MAGI2: variants seen among roughly 807,000 people sequenced by gnomAD.
The protein encoded by MAGI2 is membrane-associated guanylate kinase, WW and PDZ domain-containing protein 2.
A neutral mutation model predicts 133.3 loss-of-function variants in MAGI2; 35 were observed. The observed-to-expected ratio is 0.26, with a 90% CI of 0.20 to 0.35. The LOEUF (loss-of-function observed/expected upper bound fraction) is 0.35, where lower values mean the gene tolerates loss of function less well. Among genes scored for constraint, MAGI2 ranks in the 10% least tolerant of loss-of-function variants. MAGI2 has a pLI of 1.00. For missense variants in MAGI2, 1,636 were observed against 1,863.4 expected, an observed-to-expected ratio of 0.88 and a Z score of 2.25; for synonymous variants, 729 against 710.6, an observed-to-expected ratio of 1.03 and a Z score of -0.41.
chr7:79,447,225 T>A (rs1848916991), intron 1 of MAGI2, among the ~76,000 whole-genome samples: 1 of 149,812 alleles, frequency 6.7e-6, no homozygotes, highest in African/African-American at 2.4e-5. Context: ...TTGTACTATG[T>A]ATGTCCCTAT....
intron 1 of MAGI2, among the ~76,000 whole-genome samples, chr7:79,342,833 C>A: frequency 6.6e-6 from 1 of 152,086 alleles, no homozygotes; most frequent in South Asian, 2.1e-4. Context: ...AATCTTGGCT[C>A]ACTACAACCT....
chr7:78,713,549 A>C (rs56714990), intron 2 of MAGI2, among the ~76,000 whole-genome samples: 10,620 of 152,178 alleles, frequency 0.07, 651 homozygotes, highest in East Asian at 0.2. Context: ...ATCTCTATAC[A>C]TCAAAGGTAT....
intron 1 of MAGI2, among the ~76,000 whole-genome samples, chr7:79,145,668 A>G (rs1822551126): frequency 6.6e-6 from 1 of 152,224 alleles, no homozygotes; most frequent in African/African-American, 2.4e-5. Context: ...TTAAAAGCCT[A>G]CAGAGCATCT....
At chr7:78,213,214 T>G (rs1787942141) in intron 10 of MAGI2, among the ~76,000 whole-genome samples, 1 of 152,236 alleles carries the variant, frequency 6.6e-6, no homozygotes, top group African/African-American at 2.4e-5. Context: ...ACTCAAGATG[T>G]GGTTTGAGAC....
At chr7:79,436,980 T>C (rs1848186996) in intron 1 of MAGI2, among the ~76,000 whole-genome samples, 1 of 152,106 alleles carries the variant, frequency 6.6e-6, no homozygotes, top group Non-Finnish European at 1.5e-5. Context: ...ATAAAGAAAA[T>C]GTGGTACATA....
chr7:78,027,680 A>C (rs1390019721), intron 21 of MAGI2, among the ~76,000 whole-genome samples: 1 of 152,072 alleles, frequency 6.6e-6, no homozygotes, highest in Non-Finnish European at 1.5e-5. Flanking sequence ...CTGCAATCAG[A>C]GAACAATAAA....
chr7:79,070,143 T>C (rs758318231), intron 1 of MAGI2, among the ~76,000 whole-genome samples: 8 of 152,144 alleles, frequency 5.3e-5, no homozygotes, highest in Non-Finnish European at 1.0e-4. Flanking sequence ...TGAATTTGAA[T>C]GTTGGCCTGC....
At chr7:78,921,830 G>T (rs1023364358) in intron 2 of MAGI2, among the ~76,000 whole-genome samples, 1 of 151,822 alleles carries the variant, frequency 6.6e-6, no homozygotes, top group East Asian at 1.9e-4. Context: ...GACAGGTTTC[G>T]CCATGTTGGC....
At chr7:78,898,776 A>G (rs1461317509) in intron 2 of MAGI2, among the ~76,000 whole-genome samples, 1 of 152,194 alleles carries the variant, frequency 6.6e-6, no homozygotes, top group Non-Finnish European at 1.5e-5. Context: ...TTATATACCA[A>G]ACCTGCACAT....
At chr7:78,720,398 G>T (rs1223686587) in intron 2 of MAGI2, among the ~76,000 whole-genome samples, 1 of 151,984 alleles carries the variant, frequency 6.6e-6, no homozygotes, top group South Asian at 2.1e-4. Flanking sequence ...AAGAAACTGA[G>T]GTACAGAATA....
chr7:78,531,366 T>C (rs1797459073), intron 3 of MAGI2, among the ~76,000 whole-genome samples: 1 of 151,882 alleles, frequency 6.6e-6, no homozygotes, highest in African/African-American at 2.4e-5. Context: ...GGCATGCACC[T>C]CCACGTCGAA....
intron 2 of MAGI2, among the ~76,000 whole-genome samples, chr7:78,746,609 A>G (rs753607270): frequency 6.6e-6 from 1 of 152,224 alleles, no homozygotes. Context: ...CTTCATGGGC[A>G]GAACTGCAGC....
chr7:78,594,782 T>C (rs2150857663), intron 3 of MAGI2, among the ~76,000 whole-genome samples: 1 of 152,200 alleles, frequency 6.6e-6, no homozygotes, highest in Middle Eastern at 3.4e-3. Context: ...AAAGGACCTG[T>C]TTAGGATGAA....
chr7:79,065,948 T>C (rs1342128308), intron 1 of MAGI2, among the ~76,000 whole-genome samples: 1 of 152,218 alleles, frequency 6.6e-6, no homozygotes, highest in Non-Finnish European at 1.5e-5. Flanking sequence ...ATTTTCTTTA[T>C]CCAGTCTATT....
At chr7:78,083,523 T>C (rs1181234690) in intron 20 of MAGI2, among the ~76,000 whole-genome samples, 1 of 151,700 alleles carries the variant, frequency 6.6e-6, no homozygotes, top group African/African-American at 2.4e-5. Context: ...AATGCCAAAT[T>C]TAGGAAACTG....
chr7:79,100,963 T>G (rs1246144077), intron 1 of MAGI2, among the ~76,000 whole-genome samples: 1 of 152,062 alleles, frequency 6.6e-6, no homozygotes, highest in East Asian at 1.9e-4. Flanking sequence ...AAATGCCATT[T>G]TATCATATAT....
At chr7:78,968,110 C>G (rs796959518) in intron 2 of MAGI2, among the ~76,000 whole-genome samples, 1 of 152,122 alleles carries the variant, frequency 6.6e-6, no homozygotes, top group African/African-American at 2.4e-5. Context: ...GGATTACAGG[C>G]GTGAGCCACC....
At chr7:78,923,621 G>A (rs1422979405) in intron 2 of MAGI2, among the ~76,000 whole-genome samples, 3 of 152,166 alleles carry the variant, frequency 2.0e-5, no homozygotes, top group South Asian at 2.1e-4. Context: ...TTGAAGTCAG[G>A]TAGCGTGATG....
intron 9 of MAGI2, among the ~76,000 whole-genome samples, chr7:78,304,132 C>A (rs568264063): frequency 6.6e-6 from 1 of 152,290 alleles, no homozygotes; most frequent in Admixed American, 6.5e-5. Flanking sequence ...TATCCTGACT[C>A]TTACACTTTC....
Sources: gnomAD v4.1 joint callset for allele counts (sites outside exome capture counted in the v4.1 genomes callset) on GRCh38, gnomAD v4.1.1 for gene constraint, MANE v1.5 for transcripts, NCBI Gene and HGNC (gene_info 2026-07-23, HGNC 2026-07-21) for gene names.